Variants in PLCB1 observed in about 807,000 individuals in gnomAD.
The protein encoded by PLCB1 is phospholipase C beta 1, also known as 1-phosphatidylinositol 4,5-bisphosphate phosphodiesterase beta-1.
PLCB1 carries 46 observed loss-of-function variants against 161.8 expected under a neutral mutation model. The observed-to-expected ratio is 0.28, with a 90% CI of 0.22 to 0.36. The LOEUF (loss-of-function observed/expected upper bound fraction) is 0.36. Among genes scored for constraint, PLCB1 ranks in the 10% least tolerant of loss-of-function variants. The pLI is 1.00. For synonymous variants in PLCB1, 517 were observed against 503.7 expected, an observed-to-expected ratio of 1.03 and a Z score of -0.35; for missense variants, 1,016 against 1,472.5, an observed-to-expected ratio of 0.69 and a Z score of 5.07.
At chr20:8,711,441 C>T (rs538338311) in intron 12 of PLCB1, among the ~76,000 whole-genome samples, 1 of 152,282 alleles carries the variant, frequency 6.6e-6, no homozygotes, top group African/African-American at 2.4e-5. Flanking sequence ...TTGTACTGCC[C>T]TTATGGGCTT....
intron 2 of PLCB1, among the ~76,000 whole-genome samples, chr20:8,223,350 A>G (rs1013940307): frequency 1.3e-5 from 2 of 152,150 alleles, no homozygotes; most frequent in African/African-American, 2.4e-5. Context: ...TTACCATCAC[A>G]TTGGATAATA....
chr20:8,789,550 A>G lies in PLCB1; in HGVS notation c.3311A>G (p.Gln1104Arg). The G allele has an allele frequency of 4.3e-6, 7 of 1,611,954 alleles. No individual in the cohort carries two copies. The highest frequency in any genetic ancestry group is 5.9e-6 in the Non-Finnish European group (7 of 1,177,962). ...EKTEMIRSYI[Q>R]EVVQYIKRLE... Reference sequence around the variant, plus strand: ...ACAGAGATGATCCGGTCATATATCCAGGAAGTGGTGCAGTATATCAAGAGG... The same window carrying G: ...ACAGAGATGATCCGGTCATATATCCGGGAAGTGGTGCAGTATATCAAGAGG... The change falls in exon 30 of 32, where the codon CAG becomes CGG. Residue 1104 changes from glutamine to arginine, a missense_variant. Physicochemically the swap from Gln to Arg is conservative, Grantham distance 43. Around this residue, in one of 10 missense-constraint regions of PLCB1, gnomAD observed 398 missense variants for 445.4 expected, o/e 0.89. Coordinates refer to ENST00000338037, the MANE Select transcript of PLCB1 (RefSeq NM_015192.4).
intron 23 of PLCB1, among the ~76,000 whole-genome samples, chr20:8,753,263 G>T (rs928058085): frequency 2.0e-5 from 3 of 152,038 alleles, no homozygotes; most frequent in Admixed American, 2.0e-4. Context: ...TAGAAATAAA[G>T]TGCACAATAC....
intron 2 of PLCB1, among the ~76,000 whole-genome samples, chr20:8,288,302 T>C (rs959754924): frequency 1.3e-5 from 2 of 152,134 alleles, no homozygotes; most frequent in African/African-American, 4.8e-5. Context: ...ACTCTTGCCC[T>C]GGGAGGCTGT....
chr20:8,868,372 A>C lies in PLCB1; in HGVS notation c.3424-13250A>C, dbSNP rs113857469. On this transcript the variant is annotated intron_variant, in intron 31 of 31. Transcript: ENST00000338037. ...CGTATTGTATTATGAAGAGGACAGC[A>C]GGTCAATAAGACCCTGGGCCATGGG... Among the ~76,000 whole-genome samples the C allele has an allele frequency of 4.7e-3, 637 of 135,908 alleles. 6 individuals carry two copies. Among genetic ancestry groups the C allele is most frequent in the African/African-American group, 0.015 (600 of 39,944 alleles). The allele number at this position is 135,908 out of a possible 152,430, so 89.2% of individuals were successfully genotyped here. A position where few individuals can be genotyped will look rare whatever the true frequency, so the allele number is the denominator to read the frequency against.
chr20:8,215,174 A>G lies in PLCB1; in HGVS notation c.177+64803A>G, dbSNP rs532425600. Among the ~76,000 whole-genome samples, 255 of 152,112 alleles carry G rather than the reference A, an allele frequency of 1.7e-3. 1 individual carries two copies. The highest frequency in any genetic ancestry group is 3.5e-3 in the South Asian group (17 of 4,824). On this transcript the variant is annotated intron_variant, in intron 2 of 31. Transcript: ENST00000338037. Reference sequence around the variant, plus strand: ...ATCTCTTGACCTTCTGAAAGCTCCCATCAGACCTTTCTCCTCCCACCTTCC... The same window carrying G: ...ATCTCTTGACCTTCTGAAAGCTCCCGTCAGACCTTTCTCCTCCCACCTTCC...
chr20:8,417,771 T>C (rs961478226), intron 3 of PLCB1, among the ~76,000 whole-genome samples: 6 of 152,258 alleles, frequency 3.9e-5, no homozygotes, highest in Non-Finnish European at 8.8e-5. Flanking sequence ...AGAGAATCTT[T>C]AGAGAGAAAA....
chr20:8,198,935 C>T (rs769706492), intron 2 of PLCB1, among the ~76,000 whole-genome samples: 1 of 151,096 alleles, frequency 6.6e-6, no homozygotes, highest in East Asian at 1.9e-4. Flanking sequence ...AAGACACACA[C>T]ACAGACAGAC....
chr20:8,373,255 C>A (rs1213588979), intron 3 of PLCB1, among the ~76,000 whole-genome samples: 3 of 151,940 alleles, frequency 2.0e-5, no homozygotes, highest in East Asian at 3.9e-4. Flanking sequence ...CTTTTTTTCC[C>A]TCCTATTTAT....
At chr20:8,500,923 A>G (rs2122811957) in intron 3 of PLCB1, among the ~76,000 whole-genome samples, 1 of 152,352 alleles carries the variant, frequency 6.6e-6, no homozygotes, top group Middle Eastern at 3.4e-3. Flanking sequence ...TAGCTAAAAC[A>G]GTTAACAATT....
intron 2 of PLCB1, among the ~76,000 whole-genome samples, chr20:8,187,794 A>C (rs190826888): frequency 2.0e-5 from 3 of 152,316 alleles, no homozygotes; most frequent in Admixed American, 6.5e-5. Context: ...TACAGAAAGC[A>C]TGAAAAGTAG....
intron 18 of PLCB1, among the ~76,000 whole-genome samples, chr20:8,730,067 T>C (rs907669740): frequency 3.3e-5 from 5 of 151,986 alleles, no homozygotes; most frequent in Non-Finnish European, 7.4e-5. Context: ...TTCAGGACTA[T>C]CGTCAATTTT....
intron 10 of PLCB1, among the ~76,000 whole-genome samples, chr20:8,693,210 G>C (rs963636981): frequency 6.6e-6 from 1 of 152,152 alleles, no homozygotes; most frequent in African/African-American, 2.4e-5. Flanking sequence ...ATGTTTTGGG[G>C]AATATGTACA....
At chr20:8,230,948 G>A (rs941881882) in intron 2 of PLCB1, among the ~76,000 whole-genome samples, 3 of 152,186 alleles carry the variant, frequency 2.0e-5, no homozygotes, top group South Asian at 2.1e-4. Flanking sequence ...AATGAGTTAC[G>A]TAATTTAGTT....
intron 23 of PLCB1, chr20:8,751,856 G>C (rs1385921811): frequency 1.3e-5 from 2 of 152,034 alleles, no homozygotes; most frequent in African/African-American, 4.8e-5. Context: ...TCCAGTACCA[G>C]ATTTTTATTC....
chr20:8,480,781 G>A (rs1261721602), intron 3 of PLCB1, among the ~76,000 whole-genome samples: 1 of 152,154 alleles, frequency 6.6e-6, no homozygotes, highest in Non-Finnish European at 1.5e-5. Flanking sequence ...CTACCTCTCA[G>A]TTTGGGCAAC....
At chr20:8,630,566 G>C (rs562057748) in intron 4 of PLCB1, among the ~76,000 whole-genome samples, 1 of 152,256 alleles carries the variant, frequency 6.6e-6, no homozygotes, top group Admixed American at 6.5e-5. Flanking sequence ...TTGTCTGTGT[G>C]ACATATACTT....
intron 3 of PLCB1, among the ~76,000 whole-genome samples, chr20:8,393,565 A>G (rs1020200646): frequency 6.6e-6 from 1 of 151,920 alleles, no homozygotes; most frequent in Non-Finnish European, 1.5e-5. Context: ...CTGAGGCGGG[A>G]GGATTTCTTG....
Position 8,808,401 on chromosome 20 carries a change from T to C in PLCB1, c.3423+18140T>C, listed in dbSNP as rs117593526. On this transcript the variant is annotated intron_variant, in intron 31 of 31. Coordinates refer to ENST00000338037, the MANE Select transcript of PLCB1 (RefSeq NM_015192.4). ...ACACGCTGGCACTTCTTCCTTTTCT[T>C]ATAAGGACACCAGCCCCATCAGATC... is the stretch of plus-strand genomic sequence containing the variant. 3.4e-3 allele frequency among the ~76,000 whole-genome samples: 515 copies of C among 152,252 alleles called. 1 individual carries two copies. The highest frequency in any genetic ancestry group is 6.8e-3 in the Middle Eastern group (2 of 294).
Sources: gnomAD v4.1 joint callset for allele counts (sites outside exome capture counted in the v4.1 genomes callset) on GRCh38, gnomAD v4.1.1 for gene constraint, gnomAD v4.1.1 regional missense constraint, MANE v1.5 for transcripts, NCBI Gene and HGNC (gene_info 2026-07-23, HGNC 2026-07-21) for gene names.